PLXNA4: variants seen among roughly 807,000 people sequenced by gnomAD.
PLXNA4 encodes plexin-A4.
In PLXNA4, 44 loss-of-function variants were observed where a neutral mutation model predicts 191.8. That is an observed-to-expected ratio of 0.23 (90% confidence interval 0.18 to 0.29). The LOEUF (loss-of-function observed/expected upper bound fraction) is 0.29. Ranked by LOEUF, PLXNA4 falls within the 10% of genes least tolerant of loss-of-function variation. The pLI is 1.00. For missense variants in PLXNA4, 1,800 were observed against 2,488.8 expected (o/e 0.72, Z 5.89); for synonymous variants, 1,082 against 1,009.5 (o/e 1.07, Z -1.36).
intron 2 of PLXNA4, among the ~76,000 whole-genome samples, chr7:132,601,922 A>G (rs1216949493): frequency 6.6e-6 from 1 of 152,250 alleles, no homozygotes; most frequent in East Asian, 1.9e-4. Flanking sequence ...ACATGAGAAA[A>G]GCAATGTGGG....
chr7:132,517,274 G>A lies in PLXNA4; in HGVS notation c.-86-8495C>T, dbSNP rs1798978944. 3.3e-5 allele frequency among the ~76,000 whole-genome samples: 5 copies of A among 152,162 alleles called. No individual in the cohort carries two copies. The South Asian group carries it at 1.0e-3, about 32-fold the overall frequency. On this transcript the variant is annotated intron_variant, in intron 1 of 31. Coordinates refer to ENST00000321063, the MANE Select transcript of PLXNA4 (RefSeq NM_020911.2). ...CTCTCCATTTCCACATGGTATCCAGGTGTGACTGTGTGAATAGCAAGGTCA... is the reference window on the plus strand; with the variant it reads ...CTCTCCATTTCCACATGGTATCCAGATGTGACTGTGTGAATAGCAAGGTCA...
intron 14 of PLXNA4, among the ~76,000 whole-genome samples, chr7:132,189,744 TG>T (rs1246494767): frequency 6.6e-5 from 10 of 152,062 alleles, no homozygotes; most frequent in African/African-American, 2.4e-4. Flanking sequence ...GTGTGATAGA[TG>T]GGGGTTCTGT....
At position 132,202,631 on chromosome 7, in the gene PLXNA4, C is replaced by T. The variant is rs1356237748; in HGVS notation, c.2586+15G>A. ...AGCCTGCCCATTTGGAGCAGGAGGC[C>T]CGACCCCGGCTTACCTCTGTGATGC... On this transcript the variant is annotated intron_variant, in intron 12 of 31. Transcript: ENST00000321063. The T allele has an allele frequency of 1.4e-6, 2 of 1,454,278 alleles. No individual in the cohort carries two copies. The highest frequency in any genetic ancestry group is 9.1e-7 in the Non-Finnish European group (1 of 1,096,700). The allele number at this position is 1,454,278 out of a possible 1,614,324, so 90.1% of individuals were successfully genotyped here.
At chr7:132,477,440 C>A (rs1463039554) in intron 3 of PLXNA4, among the ~76,000 whole-genome samples, 1 of 152,210 alleles carries the variant, frequency 6.6e-6, no homozygotes, top group African/African-American at 2.4e-5. Flanking sequence ...GCTGCCCTTC[C>A]AAGTCTCCCA....
At chr7:132,405,506 A>G (rs1469972818) in intron 3 of PLXNA4, among the ~76,000 whole-genome samples, 1 of 152,150 alleles carries the variant, frequency 6.6e-6, no homozygotes, top group East Asian at 1.9e-4. Flanking sequence ...GGAAATGGAG[A>G]GTCCTGGTTA....
At chr7:132,641,147 A>G (rs1383122772) in intron 2 of PLXNA4, among the ~76,000 whole-genome samples, 2 of 152,222 alleles carry the variant, frequency 1.3e-5, no homozygotes, top group African/African-American at 2.4e-5. Context: ...ATTCTTGCAC[A>G]CTAATGTAAC....
At chr7:132,205,514 T>TGA (rs1468766632) in intron 10 of PLXNA4, among the ~76,000 whole-genome samples, 1 of 152,254 alleles carries the variant, frequency 6.6e-6, no homozygotes, top group African/African-American at 2.4e-5. Flanking sequence ...TTTGTGTGTG[T>TGA]GTGAGAGAGA....
chr7:132,383,373 T>G, intron 3 of PLXNA4: 1 of 231,232 alleles, frequency 4.3e-6, no homozygotes, highest in Middle Eastern at 2.1e-3. Context: ...AAAATTTATT[T>G]TTTCCAAAGT....
intron 9 of PLXNA4, 34 bp downstream of exon 9, chr7:132,223,493 G>A (rs1339466188): frequency 6.4e-7 from 1 of 1,551,336 alleles, no homozygotes; most frequent in South Asian, 1.1e-5. Flanking sequence ...CTCACAACAA[G>A]AGACACTCAC....
At chr7:132,430,217 C>T (rs146013727) in intron 3 of PLXNA4, among the ~76,000 whole-genome samples, 370 of 152,186 alleles carry the variant, frequency 2.4e-3, no homozygotes, top group African/African-American at 8.5e-3. Flanking sequence ...TGGCATCATG[C>T]CAGAGGAAAA....
intron 1 of PLXNA4, among the ~76,000 whole-genome samples, chr7:132,514,742 G>C (rs975646168): frequency 1.3e-5 from 2 of 151,984 alleles, no homozygotes; most frequent in African/African-American, 2.4e-5. Context: ...TACAGGTTTT[G>C]AACTTGGTGC....
At chr7:132,479,426 T>C (rs956850119) in intron 3 of PLXNA4, among the ~76,000 whole-genome samples, 2 of 152,158 alleles carry the variant, frequency 1.3e-5, no homozygotes, top group Admixed American at 6.5e-5. Flanking sequence ...TGGAGAGCCT[T>C]TCCTAAAAGG....
At chr7:132,403,220 C>A (rs1211917169) in intron 3 of PLXNA4, among the ~76,000 whole-genome samples, 1 of 152,224 alleles carries the variant, frequency 6.6e-6, no homozygotes, top group Non-Finnish European at 1.5e-5. Flanking sequence ...ATGCCTGGTC[C>A]ACAAAAGCAG....
intron 9 of PLXNA4, among the ~76,000 whole-genome samples, chr7:132,214,682 AGGCCCTGTTTCATG>A (rs980412947): frequency 6.6e-6 from 1 of 152,130 alleles, no homozygotes; most frequent in African/African-American, 2.4e-5. Flanking sequence ...TGTGAGCCCG[AGGCCCTGTTTCATG>A]GCCCAGGGAC....
At chr7:132,405,807 G>A (rs773219757) in intron 3 of PLXNA4, among the ~76,000 whole-genome samples, 4 of 152,168 alleles carry the variant, frequency 2.6e-5, no homozygotes, top group African/African-American at 7.2e-5. Context: ...AAATTGTTTC[G>A]CTGGAGGCCT....
intron 9 of PLXNA4, among the ~76,000 whole-genome samples, chr7:132,214,742 C>T (rs1168618576): frequency 1.3e-5 from 2 of 152,218 alleles, no homozygotes; most frequent in Non-Finnish European, 2.9e-5. Flanking sequence ...ACCTTGAAGG[C>T]TTCTCACCCA....
At chr7:132,195,291 G>A (rs1306299732) in intron 13 of PLXNA4, among the ~76,000 whole-genome samples, 3 of 152,128 alleles carry the variant, frequency 2.0e-5, no homozygotes, top group South Asian at 4.2e-4. Context: ...GACACGGCTC[G>A]ACTTTTTTCT....
intron 3 of PLXNA4, among the ~76,000 whole-genome samples, chr7:132,353,939 A>T (rs1426233986): frequency 2.0e-5 from 3 of 152,124 alleles, no homozygotes; most frequent in Non-Finnish European, 4.4e-5. Flanking sequence ...ATTCTTTTCA[A>T]GTCAGATCTG....
intron 4 of PLXNA4, among the ~76,000 whole-genome samples, chr7:132,286,174 T>G (rs1218902061): frequency 2.6e-5 from 4 of 152,210 alleles, no homozygotes; most frequent in Admixed American, 2.0e-4. Context: ...ACTTTACCAC[T>G]GCAGAGCTTC....
Sources: allele counts gnomAD v4.1 joint callset (sites outside exome capture counted in the v4.1 genomes callset), GRCh38; gene constraint gnomAD v4.1.1; transcripts MANE v1.5; gene names NCBI Gene and HGNC (gene_info 2026-07-23, HGNC 2026-07-21).